Variants in PRKAA2 observed in about 807,000 individuals in gnomAD.
The protein encoded by PRKAA2 is protein kinase AMP-activated catalytic subunit alpha 2, also known as 5'-AMP-activated protein kinase catalytic subunit alpha-2.
In PRKAA2, 40 loss-of-function variants were observed where a neutral mutation model predicts 56.3. The observed-to-expected ratio is 0.71, with a 90% confidence interval of 0.55 to 0.92. PRKAA2 has a LOEUF of 0.92. Ranked by LOEUF, PRKAA2 falls within the 40% of genes least tolerant of loss-of-function variation. PRKAA2 has a pLI of 0.00. For missense variants in PRKAA2, 542 were observed against 686.9 expected (o/e 0.79, Z 2.36); for synonymous variants, 214 against 234.2 (o/e 0.91, Z 0.79).
rs1414597408 is a variant in PRKAA2 at position 56,713,912 on chromosome 1, A to G, written c.*6199A>G. On this transcript the variant is annotated 3_prime_UTR_variant, in exon 9 of 9. Transcript: ENST00000371244. ...TCCCTTAAATTATAAGAAGAGTAAT[A>G]GTAAAAACTTGTTTAAACTATATTT... 6.6e-6 allele frequency: 1 copy of G among 150,770 alleles called. No homozygotes were observed. The highest frequency in any genetic ancestry group is 1.5e-5 in the Non-Finnish European group (1 of 67,776). The allele number at this position is 150,770 out of a possible 1,614,324, so 9.3% of individuals were successfully genotyped here.
intron 1 of PRKAA2, among the ~76,000 whole-genome samples, chr1:56,650,803 A>G (rs1024918724): frequency 1.3e-5 from 2 of 152,212 alleles, no homozygotes; most frequent in African/African-American, 4.8e-5. Context: ...AAATAGTTAC[A>G]TGACTGGCCT....
At chr1:56,679,120 T>C (rs1644135493) in intron 2 of PRKAA2, among the ~76,000 whole-genome samples, 1 of 152,174 alleles carries the variant, frequency 6.6e-6, no homozygotes, top group Non-Finnish European at 1.5e-5. Context: ...CTTTTTTTCA[T>C]TCTTGTTTAT....
At chr1:56,698,637 A>G (rs1644274521) in intron 6 of PRKAA2, among the ~76,000 whole-genome samples, 1 of 152,136 alleles carries the variant, frequency 6.6e-6, no homozygotes, top group African/African-American at 2.4e-5. Flanking sequence ...CAGTTCTGTG[A>G]TATCTATCCT....
chr1:56,655,737 T>G (rs1051818021), intron 1 of PRKAA2, among the ~76,000 whole-genome samples: 6 of 152,142 alleles, frequency 3.9e-5, no homozygotes, highest in African/African-American at 1.4e-4. Flanking sequence ...AGTTTGAGTC[T>G]TGTGAGGCAA....
At chr1:56,655,283 T>A (rs757772313) in intron 1 of PRKAA2, among the ~76,000 whole-genome samples, 32,112 of 122,248 alleles carry the variant, frequency 0.26, 3,182 homozygotes, top group Non-Finnish European at 0.36. Context: ...TATATATATT[T>A]TTTTTTTTTT....
At chr1:56,664,759 TTCTACAGGAAC>T (rs1644021409) in intron 1 of PRKAA2, among the ~76,000 whole-genome samples, 1 of 152,012 alleles carries the variant, frequency 6.6e-6, no homozygotes. Context: ...GGGTTTTCTC[TTCTACAGGAAC>T]TCTTGTAGAA....
chr1:56,673,920 G>A (rs995549751), intron 1 of PRKAA2, among the ~76,000 whole-genome samples: 2 of 152,136 alleles, frequency 1.3e-5, no homozygotes, highest in Non-Finnish European at 2.9e-5. Flanking sequence ...GCACAAAAAA[G>A]GGCTAGGTGT....
rs1644373757 is a variant in PRKAA2 at position 56,712,304 on chromosome 1, A to C, written c.*4591A>C. ...TAATAAAACATCAGAGTGGTTGAGT[A>C]GTAAAAATAAACACAGATGTATTGC... On this transcript the variant is annotated 3_prime_UTR_variant, in exon 9 of 9. Coordinates refer to ENST00000371244, the MANE Select transcript of PRKAA2 (RefSeq NM_006252.4). 6.6e-6 allele frequency: 1 copy of C among 152,212 alleles called. No individual in the cohort carries two copies. The highest frequency in any genetic ancestry group is 1.9e-4 in the East Asian group (1 of 5,198). 9.4% of individuals were successfully genotyped at this position (152,212 alleles called of 1,614,324 possible).
rs568198659 is a variant in PRKAA2, at chr1:56,706,892, A to G, written c.1421-583A>G. On this transcript the variant is annotated intron_variant, in intron 8 of 8. Coordinates refer to ENST00000371244, the MANE Select transcript of PRKAA2 (RefSeq NM_006252.4). ...ACGAAGCATTTAAATTTTACTCTTGAACTACCATCAACTATGTATGGTAGT... is the reference window on the plus strand; with the variant it reads ...ACGAAGCATTTAAATTTTACTCTTGGACTACCATCAACTATGTATGGTAGT... Among the ~76,000 whole-genome samples the G allele has an allele frequency of 5.3e-5, 8 of 152,292 alleles. No homozygotes were observed. In the East Asian group the frequency reaches 1.4e-3, roughly 26 times the overall value.
intron 1 of PRKAA2, among the ~76,000 whole-genome samples, chr1:56,647,351 A>G (rs536189795): frequency 7.2e-5 from 11 of 152,324 alleles, no homozygotes; most frequent in African/African-American, 2.6e-4. Context: ...ACTTAACCCT[A>G]TGTCCTTTCA....
chr1:56,674,257 G>C, intron 1 of PRKAA2, 124 bp from the exon 2 acceptor site: 1 of 751,452 alleles, frequency 1.3e-6, no homozygotes, highest in East Asian at 3.0e-5. Flanking sequence ...CTGTAGTTTT[G>C]TACAACAAGG....
chr1:56,658,429 G>A (rs898494835), intron 1 of PRKAA2, among the ~76,000 whole-genome samples: 1 of 152,126 alleles, frequency 6.6e-6, no homozygotes, highest in Non-Finnish European at 1.5e-5. Flanking sequence ...CATTAAGAGA[G>A]GGCATGGTTT....
At chr1:56,647,497 C>T (rs1029252137) in intron 1 of PRKAA2, among the ~76,000 whole-genome samples, 1 of 152,114 alleles carries the variant, frequency 6.6e-6, no homozygotes, top group Non-Finnish European at 1.5e-5. Context: ...TGAATTGTTT[C>T]CAGGCACTGG....
chr1:56,682,937 A>G (rs1644165188), intron 2 of PRKAA2, among the ~76,000 whole-genome samples: 1 of 152,180 alleles, frequency 6.6e-6, no homozygotes. Context: ...CAGATAAAAA[A>G]CATTTCTATC....
intron 6 of PRKAA2, among the ~76,000 whole-genome samples, chr1:56,697,582 T>C (rs1163888355): frequency 1.3e-5 from 2 of 152,192 alleles, no homozygotes; most frequent in African/African-American, 4.8e-5. Context: ...TATAGTTCTT[T>C]AGCATATATA....
intron 6 of PRKAA2, among the ~76,000 whole-genome samples, chr1:56,702,227 G>T (rs1350545763): frequency 6.6e-6 from 1 of 152,018 alleles, no homozygotes; most frequent in Non-Finnish European, 1.5e-5. Context: ...GGGATTATAG[G>T]CATGTGCCAC....
chr1:56,704,349 G>A lies in PRKAA2; in HGVS notation c.1167G>A (p.Thr389=), dbSNP rs139348950. The change falls in exon 7 of 9, where the codon ACG becomes ACA. Residue 389 remains threonine (T), a synonymous_variant. Transcript: ENST00000371244. ...KARCPLDALN[T]TKPKSLAVKK... is the part of the protein sequence containing the mutation. ...GATGTCCATTGGATGCACTGAATAC[G>A]ACTAAGCCCAAATCTTTAGCTGTGA... is the stretch of plus-strand genomic sequence containing the variant. 1.5e-5 allele frequency: 25 copies of A among 1,613,964 alleles called. No individual in the cohort carries two copies. The highest frequency in any genetic ancestry group is 1.1e-4 in the East Asian group (5 of 44,886).
intron 1 of PRKAA2, among the ~76,000 whole-genome samples, chr1:56,656,482 A>G (rs973861205): frequency 4.6e-5 from 7 of 152,132 alleles, no homozygotes; most frequent in East Asian, 1.9e-4. Context: ...GAGGACTACA[A>G]ATGGACATGT....
intron 1 of PRKAA2, among the ~76,000 whole-genome samples, chr1:56,652,693 G>A (rs1304344793): frequency 6.6e-6 from 1 of 152,190 alleles, no homozygotes; most frequent in Admixed American, 6.5e-5. Flanking sequence ...AAGATCAAAT[G>A]AGTTGAGGTA....
Sources: allele counts gnomAD v4.1 joint callset (sites outside exome capture counted in the v4.1 genomes callset), GRCh38; gene constraint gnomAD v4.1.1; transcripts MANE v1.5; gene names NCBI Gene and HGNC (gene_info 2026-07-23, HGNC 2026-07-21).